TGIF1: variants seen among roughly 807,000 people sequenced by gnomAD.
TGIF1 encodes the protein homeobox protein TGIF1.
A neutral mutation model predicts 19.3 loss-of-function variants in TGIF1; 4 were observed. That is an observed-to-expected ratio of 0.21 (90% CI 0.10 to 0.47). TGIF1 has a LOEUF of 0.47. Among genes scored for constraint, TGIF1 ranks in the 20% least tolerant of loss-of-function variants. The pLI, the probability that TGIF1 is intolerant of heterozygous loss-of-function variation, is 0.98. For synonymous variants in TGIF1, 122 were observed against 129.3 expected (o/e 0.94, Z 0.38); for missense variants, 275 against 341.4 (o/e 0.81, Z 1.53).
Position 3,457,884 on chromosome 18 carries a change from GA to G in TGIF1, c.764del (p.Asp255ValfsTer63). ...CTTCAGTGGATTTCAGCTTCTAGTG[GA>G]TGTTGCACTCAAACGGGCTGCAGAG... ...QDFSGFQLLV[D>X]VALKRAAEME... On this transcript the variant is annotated frameshift_variant, in exon 3 of 3. Coordinates refer to ENST00000343820, the MANE Select transcript of TGIF1 (RefSeq NM_003244.4). LOFTEE classifies it high-confidence loss of function. The surrounding 1 kb of genome is among the most constrained non-coding windows in gnomAD (Gnocchi z 4.9). The G allele has an allele frequency of 6.2e-7, 1 of 1,604,276 alleles. No individual in the cohort carries two copies. Among genetic ancestry groups the G allele is most frequent in the Non-Finnish European group, 8.5e-7 (1 of 1,179,974 alleles).
chr18:3,449,089 C>A (rs1469080035), upstream of TGIF1, among the ~76,000 whole-genome samples: 1 of 152,290 alleles, frequency 6.6e-6, no homozygotes, highest in East Asian at 1.9e-4. Context: ...TTCTTCAAGT[C>A]AGCCAAACAG....
At chr18:3,443,981 C>CT (rs1470707841) in intron 2 of TGIF1, among the ~76,000 whole-genome samples, 55 of 149,968 alleles carry the variant, frequency 3.7e-4, no homozygotes, top group Non-Finnish European at 6.9e-4. Flanking sequence ...TTCACCCAGG[C>CT]TGGACTGCAG....
intron 2 of TGIF1, among the ~76,000 whole-genome samples, chr18:3,443,552 G>T (rs1429265785): frequency 6.6e-6 from 1 of 152,110 alleles, no homozygotes; most frequent in Admixed American, 6.5e-5. Context: ...ACGAAGCCCA[G>T]CCAATATAAT....
intron 2 of TGIF1, among the ~76,000 whole-genome samples, chr18:3,443,895 A>G (rs1389482166): frequency 6.6e-6 from 1 of 151,356 alleles, no homozygotes; most frequent in Non-Finnish European, 1.5e-5. Context: ...GTATTTGCAT[A>G]CTGCCTGGCA....
At chr18:3,417,451 T>C (rs8087188) in intron 1 of TGIF1, among the ~76,000 whole-genome samples, 106,713 of 152,108 alleles carry the variant, frequency 0.7, 38,067 homozygotes, top group Admixed American at 0.77. Context: ...TGAGCCACCG[T>C]GCCTACCCTG....
chr18:3,452,139 C>T (rs1051725877), intron 1 of TGIF1: 5 of 1,613,810 alleles, frequency 3.1e-6, no homozygotes, highest in East Asian at 2.2e-5. Context: ...CCGACTCTCC[C>T]GCGGCACTTT....
Position 3,421,360 on chromosome 18 carries a change from G to A in TGIF1, c.-45+3145G>A, listed in dbSNP as rs191383337. Among the ~76,000 whole-genome samples the A allele has an allele frequency of 8.6e-4, 126 of 147,366 alleles. 1 individual carries two copies. The highest frequency in any genetic ancestry group is 2.6e-3 in the African/African-American group (103 of 40,356). ...TATATATATTTGAGATGGAGTTTGC[G>A]TCTTACTATACTATATATATACATT... is the stretch of plus-strand genomic sequence containing the variant. On this transcript the variant is annotated intron_variant, in intron 2 of 3. Transcript: ENST00000401449.
At chr18:3,433,005 C>G (rs548683618) in intron 2 of TGIF1, among the ~76,000 whole-genome samples, 5 of 152,010 alleles carry the variant, frequency 3.3e-5, no homozygotes, top group African/African-American at 7.2e-5. Flanking sequence ...GTCATCCGCC[C>G]GGCTTGGCCT....
At chr18:3,430,028 C>T (rs2082526891) in intron 2 of TGIF1, among the ~76,000 whole-genome samples, 1 of 152,150 alleles carries the variant, frequency 6.6e-6, no homozygotes, top group Non-Finnish European at 1.5e-5. Flanking sequence ...TGGTGGTGGG[C>T]ACCTGTAATC....
chr18:3,423,975 G>A (rs1441970211), intron 2 of TGIF1, among the ~76,000 whole-genome samples: 3 of 152,300 alleles, frequency 2.0e-5, no homozygotes, highest in East Asian at 1.9e-4. Flanking sequence ...GGGCAGCCAC[G>A]ATGGAGTGAC....
intron 1 of TGIF1, chr18:3,415,175 G>GA (rs2082316069): frequency 1.1e-5 from 2 of 184,556 alleles, no homozygotes; most frequent in African/African-American, 4.6e-5. Flanking sequence ...CGGCGACCCG[G>GA]AGCTCATTGC....
chr18:3,421,357 T>C (rs2143133984), intron 2 of TGIF1, among the ~76,000 whole-genome samples: 1 of 148,156 alleles, frequency 6.7e-6, no homozygotes, highest in Middle Eastern at 3.6e-3. Flanking sequence ...AGATGGAGTT[T>C]GCGTCTTACT....
intron 2 of TGIF1, among the ~76,000 whole-genome samples, chr18:3,423,995 G>A (rs1370145334): frequency 1.3e-5 from 2 of 152,188 alleles, no homozygotes; most frequent in Non-Finnish European, 2.9e-5. Context: ...CAATACAGAA[G>A]GGGTCTGCGT....
chr18:3,452,314 T>C (rs1383709958), intron 1 of TGIF1: 4 of 1,612,992 alleles, frequency 2.5e-6, no homozygotes, highest in Non-Finnish European at 3.4e-6. Context: ...CGGTGGGAAC[T>C]TCCGCGGTCC....
Position 3,456,653 on chromosome 18 carries a change from C to G in TGIF1, c.243+73C>G, listed in dbSNP as rs1555650825. 9 of 1,358,950 alleles carry G rather than the reference C, an allele frequency of 6.6e-6. No individual in the cohort carries two copies. The highest frequency in any genetic ancestry group is 9.4e-6 in the Non-Finnish European group (9 of 956,078). 84.2% of individuals were successfully genotyped at this position (1,358,950 alleles called of 1,614,324 possible). A position where few individuals can be genotyped will look rare whatever the true frequency, so the allele number is the denominator to read the frequency against. On this transcript the variant is annotated intron_variant, in intron 2 of 2. Transcript: ENST00000343820. The surrounding 1 kb of genome is among the most constrained non-coding windows in gnomAD (Gnocchi z 4.2). ...GTCATTTTATGGCATTCCTGTGTGT[C>G]AAGTCATTAAGCTCCTTGCCACTCA... is the stretch of plus-strand genomic sequence containing the variant.
chr18:3,423,336 CAG>C (rs958944695), intron 2 of TGIF1, among the ~76,000 whole-genome samples: 3 of 152,010 alleles, frequency 2.0e-5, no homozygotes, highest in Non-Finnish European at 4.4e-5. Flanking sequence ...CCCTTGAGCC[CAG>C]AGTTCTCAAC....
chr18:3,424,107 G>A (rs778584077), intron 2 of TGIF1, among the ~76,000 whole-genome samples: 2 of 152,174 alleles, frequency 1.3e-5, no homozygotes, highest in African/African-American at 2.4e-5. Flanking sequence ...CTATGTGAGA[G>A]CAACTCAAGC....
chr18:3,451,450 G>A lies in TGIF1; in HGVS notation c.16+945G>A. On this transcript the variant is annotated intron_variant, in intron 1 of 2. Coordinates refer to ENST00000343820, the MANE Select transcript of TGIF1 (RefSeq NM_003244.4). This position sits in a 1 kb window ranked among gnomAD's most constrained non-coding sequence, Gnocchi z 5.4. ...TGAGTCCCTGGCTGGGAGGTCCCCC[G>A]AGTGTTCCGCTGTGGGCTGGAGGTG... 1.0e-6 allele frequency: 1 copy of A among 987,174 alleles called. No individual in the cohort carries two copies. The highest frequency in any genetic ancestry group is 1.2e-6 in the Non-Finnish European group (1 of 831,212). 61.2% of individuals were successfully genotyped at this position (987,174 alleles called of 1,614,324 possible). A position where few individuals can be genotyped will look rare whatever the true frequency, so the allele number is the denominator to read the frequency against.
Position 3,453,845 on chromosome 18 carries a change from A to G in TGIF1, c.17-2509A>G, listed in dbSNP as rs1259053256. The G allele has an allele frequency of 7.1e-6, 7 of 985,210 alleles. No individual in the cohort carries two copies. The East Asian group carries it at 4.5e-4, about 64-fold the overall frequency. 61.0% of individuals were successfully genotyped at this position (985,210 alleles called of 1,614,324 possible). ...CTGCCCCCACCCTCCCCACCGCCAC[A>G]TTTTTTAAAGTGTAAGCAAAGCAAG... is the stretch of plus-strand genomic sequence containing the variant. On this transcript the variant is annotated intron_variant, in intron 1 of 2. Coordinates refer to ENST00000343820, the MANE Select transcript of TGIF1 (RefSeq NM_003244.4).
Sources: gnomAD v4.1 joint callset for allele counts (sites outside exome capture counted in the v4.1 genomes callset) on GRCh38, gnomAD v4.1.1 for gene constraint, Gnocchi (gnomAD v3.1) non-coding constraint, MANE v1.5 for transcripts, NCBI Gene and HGNC (gene_info 2026-07-23, HGNC 2026-07-21) for gene names.